Variants in MED13 observed in about 807,000 individuals in gnomAD.
The protein encoded by MED13 is mediator of RNA polymerase II transcription subunit 13.
Under a neutral mutation model 225.2 loss-of-function variants are expected in MED13, and 23 were observed. The observed-to-expected ratio is 0.10, with a 90% CI of 0.07 to 0.14. The LOEUF (loss-of-function observed/expected upper bound fraction) is 0.14. Among genes scored for constraint, MED13 ranks in the 10% least tolerant of loss-of-function variants. MED13 has a pLI of 1.00. For synonymous variants in MED13, 942 were observed against 889.2 expected, an observed-to-expected ratio of 1.06 and a Z score of -1.06; for missense variants, 2,197 against 2,594.5, an observed-to-expected ratio of 0.85 and a Z score of 3.33.
chr17:61,998,183 C>A (rs930048669), intron 9 of MED13, among the ~76,000 whole-genome samples: 1 of 152,078 alleles, frequency 6.6e-6, no homozygotes, highest in Non-Finnish European at 1.5e-5. Context: ...TTATATAGTA[C>A]ACATACACTT....
chr17:62,048,816 G>A lies in MED13; in HGVS notation c.470+3721C>T, dbSNP rs530711879. Among the ~76,000 whole-genome samples, 4 of 152,176 alleles carry A rather than the reference G, an allele frequency of 2.6e-5. No homozygotes were observed. The East Asian group carries it at 7.7e-4, about 29-fold the overall frequency. On this transcript the variant is annotated intron_variant, in intron 3 of 29. Coordinates refer to ENST00000397786, the MANE Select transcript of MED13 (RefSeq NM_005121.3). ...TCCCCAGATCATTCACTCTAGTAAA[G>A]CCTGCAATGTCATAAGCTACTCACA...
At chr17:61,980,341 T>A (rs1371338081) in intron 16 of MED13, among the ~76,000 whole-genome samples, 3 of 152,166 alleles carry the variant, frequency 2.0e-5, no homozygotes, top group Admixed American at 6.5e-5. Flanking sequence ...TACTACTCTA[T>A]CTACAATTAC....
chr17:62,017,801 CTT>C (rs2080597527), intron 8 of MED13, among the ~76,000 whole-genome samples: 1 of 152,154 alleles, frequency 6.6e-6, no homozygotes, highest in Non-Finnish European at 1.5e-5. Context: ...CTTATACAAT[CTT>C]TTTACACTCT....
chr17:62,029,816 A>G lies in MED13; in HGVS notation c.1172+35T>C, dbSNP rs750347781. The G allele has an allele frequency of 3.8e-6, 6 of 1,560,756 alleles. No individual in the cohort carries two copies. In the Admixed American group the frequency reaches 9.9e-5, roughly 26 times the overall value. ...CTTCTAATTATAAGTAATTATCAAC[A>G]TGCAATTTTTGAACTTATAAATGAA... On this transcript the variant is annotated intron_variant, in intron 7 of 29. Transcript: ENST00000397786.
intron 23 of MED13, among the ~76,000 whole-genome samples, chr17:61,960,432 G>A (rs137898399): frequency 3.5e-4 from 53 of 151,924 alleles, no homozygotes; most frequent in Non-Finnish European, 6.9e-4. Flanking sequence ...CACCACACCC[G>A]GCTACATCCT....
intron 9 of MED13, among the ~76,000 whole-genome samples, chr17:61,998,020 T>A (rs1454258305): frequency 6.6e-6 from 1 of 152,160 alleles, no homozygotes; most frequent in Non-Finnish European, 1.5e-5. Context: ...TTAAATGTAG[T>A]CAATTTCAAG....
intron 8 of MED13, among the ~76,000 whole-genome samples, chr17:62,015,053 A>C (rs568739509): frequency 6.6e-6 from 1 of 152,224 alleles, no homozygotes; most frequent in African/African-American, 2.4e-5. Context: ...TTACCAACCG[A>C]GTCAATGTCA....
At chr17:61,985,845 C>T (rs566943562) in intron 12 of MED13, among the ~76,000 whole-genome samples, 5 of 152,098 alleles carry the variant, frequency 3.3e-5, no homozygotes, top group Non-Finnish European at 7.4e-5. Flanking sequence ...ATACTTTCAC[C>T]TTGTTTTAAT....
chr17:62,014,776 C>G (rs1453417708), intron 8 of MED13, among the ~76,000 whole-genome samples: 1 of 152,114 alleles, frequency 6.6e-6, no homozygotes, highest in Non-Finnish European at 1.5e-5. Context: ...TCCCAAAGTG[C>G]TGAGATTACA....
chr17:61,960,933 G>A lies in MED13; in HGVS notation c.5414C>T (p.Ala1805Val). Residue 1805 changes from alanine (A) to valine (V), a missense_variant, in exon 23 of 30, where the codon GCA becomes GTA. By Grantham distance (64) the Ala-to-Val change is moderately conservative. Around this residue, in one of 12 missense-constraint regions of MED13, gnomAD observed 78 missense variants for 82.1 expected, o/e 0.95. Coordinates refer to ENST00000397786, the MANE Select transcript of MED13 (RefSeq NM_005121.3). ...TTCTCCATATAGATCTGTGCAAGAT[G>A]CAAGAATCCACCTTTGATCATGTGA... The part of the protein sequence containing the change: ...CLSHDQRWIL[A>V]SCTDLYGELL... 6 of 1,613,750 alleles carry A rather than the reference G, an allele frequency of 3.7e-6. No individual in the cohort carries two copies. The highest frequency in any genetic ancestry group is 5.1e-6 in the Non-Finnish European group (6 of 1,179,890).
At chr17:62,026,196 A>G (rs1308536276) in intron 8 of MED13, among the ~76,000 whole-genome samples, 1 of 152,200 alleles carries the variant, frequency 6.6e-6, no homozygotes, top group East Asian at 1.9e-4. Flanking sequence ...TCTAGGCAAC[A>G]TAATTTTAAA....
At position 61,965,224 on chromosome 17, in the gene MED13, T is replaced by G. The variant is rs2080046012; in HGVS notation, c.4626A>C (p.Ser1542=). The G allele has an allele frequency of 6.2e-7, 1 of 1,614,066 alleles. No homozygotes were observed. The highest frequency in any genetic ancestry group is 1.7e-5 in the Admixed American group (1 of 60,006). The change falls in exon 20 of 30, where the codon TCA becomes TCC. Residue 1542 remains serine, a synonymous_variant. Transcript: ENST00000397786. The stretch of plus-strand genomic sequence containing the variant: ...ATACTCCACTATTCAAGTTGGAGGA[T>G]GATGAAGATGAAGTTGAAGCTGTGG... The part of the protein sequence containing the change: ...TLTTASTSSS[S]SSNLNSGVSS...
intron 8 of MED13, among the ~76,000 whole-genome samples, chr17:62,014,392 C>G (rs1185433325): frequency 6.6e-6 from 1 of 151,456 alleles, no homozygotes; most frequent in Non-Finnish European, 1.5e-5. Context: ...TCTCAGCTCA[C>G]CACAACCTCT....
chr17:61,990,448 A>G (rs1433206921), intron 11 of MED13, among the ~76,000 whole-genome samples: 1 of 152,066 alleles, frequency 6.6e-6, no homozygotes, highest in African/African-American at 2.4e-5. Flanking sequence ...ACCAGTCTCC[A>G]TTGTTTAAAT....
intron 8 of MED13, among the ~76,000 whole-genome samples, chr17:62,021,969 C>T (rs113962171): frequency 5.3e-5 from 8 of 152,046 alleles, no homozygotes; most frequent in African/African-American, 1.7e-4. Context: ...GAGTTTGAGA[C>T]CAGCCTGACC....
intron 12 of MED13, 104 bp downstream of exon 12, chr17:61,986,903 G>C (rs1458503863): frequency 1.5e-6 from 1 of 678,074 alleles, no homozygotes; most frequent in Non-Finnish European, 2.2e-6. Context: ...CTATTGTTCA[G>C]GGCTAAAACA....
chr17:62,060,755 A>C (rs1182855023), intron 2 of MED13, among the ~76,000 whole-genome samples: 1 of 150,706 alleles, frequency 6.6e-6, no homozygotes, highest in Non-Finnish European at 1.5e-5. Flanking sequence ...GCTGGAGTGC[A>C]GTGGCAAGAT....
chr17:62,038,656 A>G (rs913863529), intron 3 of MED13, among the ~76,000 whole-genome samples: 5 of 152,130 alleles, frequency 3.3e-5, no homozygotes, highest in Non-Finnish European at 7.4e-5. Context: ...AGTCTTTCCA[A>G]TGAGCACTTA....
chr17:61,950,849 T>C lies in MED13; in HGVS notation c.6267A>G (p.Gln2089=), dbSNP rs766524577. ...DWFWSACPQA[Q]YQCPLFLKAS... is the part of the protein sequence containing the mutation. ...CCTTAAGAAAAAGGGGACACTGATATTGTGCTTGAGGACATGCTGACCAGA... is the reference window on the plus strand; with the variant it reads ...CCTTAAGAAAAAGGGGACACTGATACTGTGCTTGAGGACATGCTGACCAGA... The change falls in exon 28 of 30, where the codon CAA becomes CAG. Residue 2089 remains glutamine, a synonymous_variant. Coordinates refer to ENST00000397786, the MANE Select transcript of MED13 (RefSeq NM_005121.3). 5 of 1,612,720 alleles carry C rather than the reference T, an allele frequency of 3.1e-6. No homozygotes were observed. Among genetic ancestry groups the C allele is most frequent in the East Asian group, 2.2e-5 (1 of 44,848 alleles).
Sources: gnomAD v4.1 joint callset for allele counts (sites outside exome capture counted in the v4.1 genomes callset) on GRCh38, gnomAD v4.1.1 for gene constraint, gnomAD v4.1.1 regional missense constraint, MANE v1.5 for transcripts, NCBI Gene and HGNC (gene_info 2026-07-23, HGNC 2026-07-21) for gene names.